KIF16B: variants seen among roughly 807,000 people sequenced by gnomAD.
The protein encoded by KIF16B is kinesin-like protein KIF16B.
In KIF16B, 98 loss-of-function variants were observed where a neutral mutation model predicts 156.3. The ratio of observed to expected loss-of-function variants is 0.63; its 90% CI spans 0.53 to 0.74. The LOEUF is 0.74. KIF16B is among the 30% of genes least tolerant of loss of function. The pLI is 0.00. For missense variants in KIF16B, 1,421 were observed against 1,606.5 expected (o/e 0.88, Z 1.97); for synonymous variants, 564 against 583.7 (o/e 0.97, Z 0.49).
intron 25 of KIF16B, among the ~76,000 whole-genome samples, chr20:16,276,770 G>A (rs2063067770): frequency 6.6e-6 from 1 of 152,218 alleles, no homozygotes; most frequent in South Asian, 2.1e-4. Flanking sequence ...GTCACAGACA[G>A]TGTCTCATTC....
Position 16,354,477 on chromosome 20 carries a change from TACACACACACACACAC to T in KIF16B, c.3621+1837_3621+1852del, listed in dbSNP as rs10567864. Among the ~76,000 whole-genome samples the T allele has an allele frequency of 2.4e-4, 36 of 148,748 alleles. No individual in the cohort carries two copies. In the South Asian group the frequency reaches 3.9e-3, roughly 16 times the overall value. On this transcript the variant is annotated intron_variant, in intron 23 of 25. Transcript: ENST00000354981. ...TCACATATATGTACAAATGGAATTCTACACACACACACACACACACACACACACACACACAATTTAG... is the reference window on the plus strand; with the variant it reads ...TCACATATATGTACAAATGGAATTCTACACACACACACACACACAATTTAG...
intron 6 of KIF16B, among the ~76,000 whole-genome samples, chr20:16,509,382 A>G (rs2068886667): frequency 6.6e-6 from 1 of 152,200 alleles, no homozygotes. Flanking sequence ...TGAAATTTTG[A>G]TAACTATTGC....
chr20:16,442,348 GTA>G (rs60693181), intron 12 of KIF16B, among the ~76,000 whole-genome samples: 9,840 of 149,436 alleles, frequency 0.066, 419 homozygotes, highest in African/African-American at 0.11. Context: ...GTGTGTGTGT[GTA>G]TATATATATA....
At chr20:16,454,530 G>A (rs1295176085) in intron 12 of KIF16B, among the ~76,000 whole-genome samples, 1 of 151,842 alleles carries the variant, frequency 6.6e-6, no homozygotes, top group East Asian at 1.9e-4. Context: ...AACCATGGTA[G>A]TCTTAATTAC....
At chr20:16,321,009 T>G (rs2063764445) in intron 24 of KIF16B, among the ~76,000 whole-genome samples, 1 of 152,178 alleles carries the variant, frequency 6.6e-6, no homozygotes, top group African/African-American at 2.4e-5. Flanking sequence ...CAAGTAAAAT[T>G]AAATGTAATG....
At chr20:16,533,053 A>G (rs1304110997) in intron 1 of KIF16B, among the ~76,000 whole-genome samples, 1 of 152,208 alleles carries the variant, frequency 6.6e-6, no homozygotes, top group African/African-American at 2.4e-5. Flanking sequence ...AAAGGCTGTT[A>G]TGCAATATGA....
At chr20:16,522,156 G>A (rs1600616598) in intron 3 of KIF16B, among the ~76,000 whole-genome samples, 1 of 152,128 alleles carries the variant, frequency 6.6e-6, no homozygotes, top group African/African-American at 2.4e-5. Flanking sequence ...TGACAGGATC[G>A]AATACAGACA....
rs11472428 is a variant in KIF16B, at chr20:16,442,419, T to TTATATA, written c.1303-12443_1303-12438dup. Among the ~76,000 whole-genome samples, 300 of 149,330 alleles carry TTATATA rather than the reference T, an allele frequency of 2.0e-3. 1 individual carries two copies. The highest frequency in any genetic ancestry group is 2.6e-3 in the Non-Finnish European group (176 of 67,514). On this transcript the variant is annotated intron_variant, in intron 12 of 25. Transcript: ENST00000354981. ...CTCAGTGTATATATATACATACATA[T>TTATATA]TATATATATATACATGATGAATATA...
At chr20:16,500,673 A>G (rs571683462) in intron 10 of KIF16B, among the ~76,000 whole-genome samples, 59 of 152,244 alleles carry the variant, frequency 3.9e-4, no homozygotes, top group African/African-American at 1.4e-3. Context: ...AAGCTCACAC[A>G]ATGCTGTTTC....
At chr20:16,445,517 CA>C (rs113870189) in intron 12 of KIF16B, among the ~76,000 whole-genome samples, 8,181 of 134,392 alleles carry the variant, frequency 0.061, 702 homozygotes, top group African/African-American at 0.2. Context: ...ATTTGAGTAA[CA>C]AAAAAAAAAA....
intron 21 of KIF16B, among the ~76,000 whole-genome samples, chr20:16,370,853 A>G (rs1391357284): frequency 6.6e-6 from 1 of 152,226 alleles, no homozygotes; most frequent in East Asian, 1.9e-4. Flanking sequence ...TCCTAATCTT[A>G]AAATTCTAAG....
intron 24 of KIF16B, among the ~76,000 whole-genome samples, chr20:16,327,812 C>T (rs987058519): frequency 6.6e-5 from 10 of 152,182 alleles, no homozygotes; most frequent in African/African-American, 2.4e-4. Context: ...GTCTGCATAG[C>T]TGTTTGCTAT....
chr20:16,421,641 A>G (rs2066228727), intron 15 of KIF16B, among the ~76,000 whole-genome samples: 1 of 152,176 alleles, frequency 6.6e-6, no homozygotes, highest in Admixed American at 6.5e-5. Flanking sequence ...GTCTTAAAGT[A>G]TGTGTAATTA....
intron 17 of KIF16B, among the ~76,000 whole-genome samples, chr20:16,397,936 G>A (rs2065553421): frequency 6.6e-6 from 1 of 152,252 alleles, no homozygotes; most frequent in South Asian, 2.1e-4. Context: ...ATGAATATTT[G>A]TGAGGTGCCC....
chr20:16,316,961 T>C (rs1382837225), intron 24 of KIF16B, among the ~76,000 whole-genome samples: 1 of 152,198 alleles, frequency 6.6e-6, no homozygotes, highest in Non-Finnish European at 1.5e-5. Flanking sequence ...TTCTGAAATG[T>C]AACACTTCCA....
At position 16,335,995 on chromosome 20, in the gene KIF16B, T is replaced by G. The variant is rs529441545; in HGVS notation, c.3642A>C (p.Thr1214=). The part of the protein sequence containing the change: ...FEVKITVLDE[T]WTVFRRYSRF... ...GACTGTAACGCCTGAATACAGTCCA[T>G]GTCTCATCTAGGACAGTAATCTATT... Residue 1214 remains threonine, a synonymous_variant, in exon 24 of 26, where the codon ACA becomes ACC. Coordinates refer to ENST00000354981, the MANE Select transcript of KIF16B (RefSeq NM_024704.5). The G allele has an allele frequency of 1.2e-6, 2 of 1,606,980 alleles. No individual in the cohort carries two copies. Among genetic ancestry groups the G allele is most frequent in the Non-Finnish European group, 1.7e-6 (2 of 1,175,568 alleles).
chr20:16,414,012 GT>G, intron 15 of KIF16B, among the ~76,000 whole-genome samples: 1 of 151,974 alleles, frequency 6.6e-6, no homozygotes, highest in East Asian at 1.9e-4. Flanking sequence ...ATTAAAATAA[GT>G]TATGATGATG....
In KIF16B at chr20:16,410,299, ATGTGTG is replaced by A. The variant is rs35361828; in HGVS notation, c.1613-3849_1613-3844del. Among the ~76,000 whole-genome samples the A allele has an allele frequency of 1.6e-4, 22 of 141,508 alleles. 1 individual carries two copies. Among genetic ancestry groups the A allele is most frequent in the African/African-American group, 2.6e-4 (10 of 37,838 alleles). 92.8% of individuals were successfully genotyped at this position (141,508 alleles called of 152,430 possible). ...TATGTAGGTACGTACCTACATATAT[ATGTGTG>A]TGTGTGTGTGTGTGTATATGTGTGT... On this transcript the variant is annotated intron_variant, in intron 15 of 25. Coordinates refer to ENST00000354981, the MANE Select transcript of KIF16B (RefSeq NM_024704.5).
At chr20:16,326,449 CA>C (rs1410739406) in intron 24 of KIF16B, among the ~76,000 whole-genome samples, 1 of 145,864 alleles carries the variant, frequency 6.9e-6, no homozygotes, top group Non-Finnish European at 1.5e-5. Flanking sequence ...TCAAAGAAAT[CA>C]GCAAAAAAAA....
Sources: gnomAD v4.1 joint callset for allele counts (sites outside exome capture counted in the v4.1 genomes callset) on GRCh38, gnomAD v4.1.1 for gene constraint, MANE v1.5 for transcripts, NCBI Gene and HGNC (gene_info 2026-07-23, HGNC 2026-07-21) for gene names.